The following TTLL11 variants were observed in gnomAD, a reference collection of about 807,000 sequenced individuals.
TTLL11 encodes tubulin tyrosine ligase like 11, also known as tubulin polyglutamylase TTLL11.
Under a neutral mutation model 51.7 loss-of-function variants are expected in TTLL11, and 42 were observed. The ratio of observed to expected loss-of-function variants is 0.81; its 90% CI spans 0.64 to 1.05. The LOEUF (loss-of-function observed/expected upper bound fraction) is 1.05, where lower values mean the gene tolerates loss of function less well. TTLL11 is among the 50% of genes least tolerant of loss of function. TTLL11 has a pLI of 0.00. For synonymous variants in TTLL11, 381 were observed against 383.5 expected, an observed-to-expected ratio of 0.99 and a Z score of 0.08; for missense variants, 799 against 940.4, an observed-to-expected ratio of 0.85 and a Z score of 1.97.
intron 8 of TTLL11, among the ~76,000 whole-genome samples, chr9:121,857,070 G>GC (rs1054746579): frequency 1.3e-5 from 2 of 152,202 alleles, no homozygotes; most frequent in Non-Finnish European, 2.9e-5. Context: ...GAGACCACAG[G>GC]CACAGAAGGC....
At chr9:121,935,556 A>T (rs538369895) in intron 6 of TTLL11, among the ~76,000 whole-genome samples, 4 of 152,308 alleles carry the variant, frequency 2.6e-5, no homozygotes, top group Non-Finnish European at 5.9e-5. Context: ...TGTTTTTAGC[A>T]GGAACTTAAT....
chr9:122,088,526 C>T (rs1780120730), intron 1 of TTLL11, among the ~76,000 whole-genome samples: 1 of 152,170 alleles, frequency 6.6e-6, no homozygotes, highest in Non-Finnish European at 1.5e-5. Context: ...AAGTTAACCT[C>T]TGTGTATTTC....
chr9:122,049,022 A>AG (rs1845091792), intron 1 of TTLL11, among the ~76,000 whole-genome samples: 1 of 151,906 alleles, frequency 6.6e-6, no homozygotes, highest in African/African-American at 2.4e-5. Flanking sequence ...AAAAAAAAAA[A>AG]GCACGCACAT....
chr9:121,875,269 G>C (rs898096448), intron 6 of TTLL11, among the ~76,000 whole-genome samples: 6 of 152,174 alleles, frequency 3.9e-5, no homozygotes, highest in African/African-American at 1.4e-4. Flanking sequence ...GGTTGCCCTG[G>C]TGATGGGAAC....
intron 6 of TTLL11, among the ~76,000 whole-genome samples, chr9:121,875,763 A>C (rs1838541577): frequency 6.6e-6 from 1 of 152,248 alleles, no homozygotes; most frequent in African/African-American, 2.4e-5. Context: ...TGACTGGTAA[A>C]GAAAATATAA....
At chr9:122,051,658 C>T (rs1845163037) in intron 1 of TTLL11, among the ~76,000 whole-genome samples, 1 of 152,178 alleles carries the variant, frequency 6.6e-6, no homozygotes, top group African/African-American at 2.4e-5. Flanking sequence ...CTCTCTTGCT[C>T]ACTCACTCGC....
chr9:122,064,453 A>G (rs1845519835), intron 1 of TTLL11, among the ~76,000 whole-genome samples: 1 of 152,228 alleles, frequency 6.6e-6, no homozygotes, highest in Non-Finnish European at 1.5e-5. Context: ...AAAGAAGGCA[A>G]AAACTAACAT....
chr9:121,832,270 C>A (rs920189781), intron 8 of TTLL11, among the ~76,000 whole-genome samples: 1 of 152,136 alleles, frequency 6.6e-6, no homozygotes, highest in African/African-American at 2.4e-5. Flanking sequence ...CTACTCAAGT[C>A]TCTGAATTTA....
At chr9:121,899,382 T>TATATATATATATATATATATAC (rs1839675665) in intron 6 of TTLL11, among the ~76,000 whole-genome samples, 4 of 113,342 alleles carry the variant, frequency 3.5e-5, no homozygotes, top group Non-Finnish European at 7.5e-5. Context: ...TATATACATA[T>TATATATATATATATATATATAC]ATATATATAT....
chr9:122,058,933 T>C (rs148795341), intron 1 of TTLL11, among the ~76,000 whole-genome samples: 16 of 152,352 alleles, frequency 1.1e-4, no homozygotes, highest in Middle Eastern at 3.4e-3. Flanking sequence ...TGTGTCACCC[T>C]GATCAGCTGG....
chr9:121,915,373 T>C (rs1840285560), intron 6 of TTLL11, among the ~76,000 whole-genome samples: 2 of 152,216 alleles, frequency 1.3e-5, no homozygotes, highest in Admixed American at 6.5e-5. Flanking sequence ...TGTGCTTGTA[T>C]ACAGCTGTTA....
intron 4 of TTLL11, among the ~76,000 whole-genome samples, chr9:121,980,020 T>A (rs1186414499): frequency 6.6e-6 from 1 of 151,144 alleles, no homozygotes; most frequent in African/African-American, 2.4e-5. Flanking sequence ...GCACTGAGCA[T>A]AAAGCAGTGA....
chr9:121,926,741 G>A (rs1840750043), intron 6 of TTLL11, among the ~76,000 whole-genome samples: 1 of 152,216 alleles, frequency 6.6e-6, no homozygotes, highest in Non-Finnish European at 1.5e-5. Flanking sequence ...AGCCAGGCCT[G>A]GCTTTGGATC....
Position 121,822,072 on chromosome 9 carries a change from C to G in TTLL11, c.*515G>C, listed in dbSNP as rs1374222046. The stretch of plus-strand genomic sequence containing the variant: ...TAATCTGTTCACTACACCCATGTAG[C>G]ACATGACTGGGATGGGAGATTCGCA... On this transcript the variant is annotated 3_prime_UTR_variant, in exon 9 of 9. Coordinates refer to ENST00000321582, the MANE Select transcript of TTLL11 (RefSeq NM_001139442.2). The surrounding 1 kb of genome is among the most constrained non-coding windows in gnomAD (Gnocchi z 5.8). 6.6e-6 allele frequency: 1 copy of G among 152,274 alleles called. No homozygotes were observed. The highest frequency in any genetic ancestry group is 2.4e-5 in the African/African-American group (1 of 41,438). 9.4% of individuals were successfully genotyped at this position (152,274 alleles called of 1,614,324 possible). A position where few individuals can be genotyped will look rare whatever the true frequency, so the allele number is the denominator to read the frequency against.
At position 121,995,516 on chromosome 9, in the gene TTLL11, C is replaced by A. The variant is rs891283766; in HGVS notation, c.694-5746G>T. On this transcript the variant is annotated intron_variant, in intron 3 of 8. Transcript: ENST00000321582. The surrounding 1 kb of genome is among the most constrained non-coding windows in gnomAD (Gnocchi z 4.4). ...TGTGAAAGGCGAGAGAGGAAAGGGT[C>A]ATGGGTGAGCTCACGGTTTGGGACT... is the stretch of plus-strand genomic sequence containing the variant. Among the ~76,000 whole-genome samples the A allele has an allele frequency of 6.6e-6, 1 of 152,088 alleles. No homozygotes were observed. The highest frequency in any genetic ancestry group is 2.4e-5 in the African/African-American group (1 of 41,418).
At chr9:122,048,302 A>G (rs955626227) in intron 1 of TTLL11, among the ~76,000 whole-genome samples, 1 of 152,092 alleles carries the variant, frequency 6.6e-6, no homozygotes, top group Middle Eastern at 3.4e-3. Flanking sequence ...TAGTAGCTGG[A>G]ACTATAAGCA....
chr9:122,007,343 G>T (rs4837935), intron 3 of TTLL11, among the ~76,000 whole-genome samples: 2 of 151,906 alleles, frequency 1.3e-5, no homozygotes, highest in African/African-American at 2.4e-5. Flanking sequence ...AAAAAAATTA[G>T]CTGGGTGTGG....
intron 7 of TTLL11, among the ~76,000 whole-genome samples, chr9:121,869,852 T>C (rs1300969486): frequency 1.3e-5 from 2 of 152,174 alleles, no homozygotes; most frequent in Admixed American, 1.3e-4. Flanking sequence ...GCTGCTGTAT[T>C]GCCCCAAAGT....
intron 6 of TTLL11, among the ~76,000 whole-genome samples, chr9:121,899,378 CATATATATATATATATATATATAT>C (rs747040027): frequency 2.3e-5 from 3 of 130,464 alleles, no homozygotes; most frequent in African/African-American, 8.8e-5. Context: ...TATATATATA[CATATATATATATATATATATATAT>C]ACACACACAC....
Sources: gnomAD v4.1 joint callset for allele counts (sites outside exome capture counted in the v4.1 genomes callset) on GRCh38, gnomAD v4.1.1 for gene constraint, Gnocchi (gnomAD v3.1) non-coding constraint, MANE v1.5 for transcripts, NCBI Gene and HGNC (gene_info 2026-07-23, HGNC 2026-07-21) for gene names.